The following CTDSP2 variants were observed in gnomAD, a reference collection of about 807,000 sequenced individuals.
CTDSP2 encodes CTD small phosphatase 2, also known as carboxy-terminal domain RNA polymerase II polypeptide A small phosphatase 2.
Under a neutral mutation model 31.6 loss-of-function variants are expected in CTDSP2, and 9 were observed. The ratio of observed to expected loss-of-function variants is 0.28; its 90% CI spans 0.17 to 0.50. The LOEUF (loss-of-function observed/expected upper bound fraction) is 0.50. CTDSP2 is among the 20% of genes least tolerant of loss of function. The pLI is 0.98. For synonymous variants in CTDSP2, 134 were observed against 134.5 expected (o/e 1.00, Z 0.03); for missense variants, 267 against 348.5 (o/e 0.77, Z 1.86).
At chr12:57,833,782 G>A (rs973985689) in intron 1 of CTDSP2, among the ~76,000 whole-genome samples, 1 of 152,246 alleles carries the variant, frequency 6.6e-6, no homozygotes, top group African/African-American at 2.4e-5. Flanking sequence ...CTTTATGTGA[G>A]GAGAGGAAGG....
chr12:57,846,278 C>A, intron 1 of CTDSP2, 94 bp downstream of exon 1: 1 of 1,208,422 alleles, frequency 8.3e-7, no homozygotes, highest in South Asian at 1.4e-5. Flanking sequence ...GCTCTAAGCC[C>A]TGGAGGTCAA....
chr12:57,828,169 C>T (rs1956194641), intron 2 of CTDSP2, among the ~76,000 whole-genome samples: 1 of 152,162 alleles, frequency 6.6e-6, no homozygotes, highest in African/African-American at 2.4e-5. Context: ...CCTGTAATCC[C>T]AGCACTTTGG....
chr12:57,844,127 G>A (rs2140486588), intron 1 of CTDSP2, among the ~76,000 whole-genome samples: 1 of 152,142 alleles, frequency 6.6e-6, no homozygotes, highest in Admixed American at 6.5e-5. Context: ...TTTAGGAGGC[G>A]GAGGTTGCAG....
At chr12:57,829,287 A>G (rs1956200938) in intron 2 of CTDSP2, among the ~76,000 whole-genome samples, 161 bp downstream of exon 2, 1 of 152,218 alleles carries the variant, frequency 6.6e-6, no homozygotes, top group South Asian at 2.1e-4. Context: ...AGGAACAGAA[A>G]GGAAATACAC....
chr12:57,843,290 A>T (rs1468348822), intron 1 of CTDSP2, among the ~76,000 whole-genome samples: 1 of 152,316 alleles, frequency 6.6e-6, no homozygotes, highest in East Asian at 1.9e-4. Context: ...ATAGAGCTGC[A>T]ATCAACAGCC....
intron 1 of CTDSP2, among the ~76,000 whole-genome samples, chr12:57,839,528 C>T (rs772311007): frequency 6.6e-6 from 1 of 152,118 alleles, no homozygotes; most frequent in Non-Finnish European, 1.5e-5. Flanking sequence ...ACCATCCTGG[C>T]TAACACAGTG....
intron 4 of CTDSP2, among the ~76,000 whole-genome samples, chr12:57,826,674 G>A (rs1956184789): frequency 6.6e-6 from 1 of 152,222 alleles, no homozygotes; most frequent in Non-Finnish European, 1.5e-5. Flanking sequence ...AAGGGCCAAA[G>A]GTGATCCAAC....
intron 6 of CTDSP2, 22 bp downstream of exon 6, chr12:57,824,205 C>A: frequency 6.2e-7 from 1 of 1,612,550 alleles, no homozygotes; most frequent in South Asian, 1.1e-5. Flanking sequence ...ACTCCTGGTT[C>A]TTCCCTCTCA....
intron 6 of CTDSP2, 26 bp downstream of exon 6, chr12:57,824,200 TG>T (rs1309808318): frequency 6.2e-7 from 1 of 1,612,048 alleles, no homozygotes; most frequent in African/African-American, 1.3e-5. Context: ...CACCCACTCC[TG>T]GTTCTTCCCT....
Position 57,829,434 on chromosome 12 carries a change from C to T in CTDSP2, c.213+14G>A, listed in dbSNP as rs752958529. ...CCCTTCATTGCTGGCATCTTACCAC[C>T]CCAACCCACCTACCTTAGCAATGGT... On this transcript the variant is annotated intron_variant, in intron 2 of 7. Coordinates refer to ENST00000398073, the MANE Select transcript of CTDSP2 (RefSeq NM_005730.4). 37 of 1,611,382 alleles carry T rather than the reference C, an allele frequency of 2.3e-5. No homozygotes were observed. In the Middle Eastern group the frequency reaches 8.4e-4, roughly 37 times the overall value.
In CTDSP2 at chr12:57,829,293, T is replaced by C. The variant is rs1355630917; in HGVS notation, c.213+155A>G. ...CAAAAGGGAAGGAACAGAAAGGAAA[T>C]ACACTACTTATGGAAGGATGGAGGA... On this transcript the variant is annotated intron_variant, in intron 2 of 7. Coordinates refer to ENST00000398073, the MANE Select transcript of CTDSP2 (RefSeq NM_005730.4). Among the ~76,000 whole-genome samples, 4 of 152,110 alleles carry C rather than the reference T, an allele frequency of 2.6e-5. No individual in the cohort carries two copies. The East Asian group carries it at 5.8e-4, about 22-fold the overall frequency.
chr12:57,844,222 G>A (rs922417609), intron 1 of CTDSP2, among the ~76,000 whole-genome samples: 1 of 152,092 alleles, frequency 6.6e-6, no homozygotes, highest in African/African-American at 2.4e-5. Context: ...ACATGGGGAG[G>A]GAGAGACCCA....
At chr12:57,834,863 C>G (rs1170073020) in intron 1 of CTDSP2, among the ~76,000 whole-genome samples, 1 of 152,200 alleles carries the variant, frequency 6.6e-6, no homozygotes. Context: ...TGGCTCATGC[C>G]TGTAATCCCA....
At chr12:57,832,487 C>T (rs149118236) in intron 1 of CTDSP2, among the ~76,000 whole-genome samples, 1 of 152,064 alleles carries the variant, frequency 6.6e-6, no homozygotes, top group Non-Finnish European at 1.5e-5. Flanking sequence ...AAGACCTCAT[C>T]TCAAATTTAA....
chr12:57,828,385 C>G (rs1053924828), intron 2 of CTDSP2, among the ~76,000 whole-genome samples: 1 of 148,896 alleles, frequency 6.7e-6, no homozygotes, highest in Admixed American at 6.7e-5. Context: ...CACGCCATTG[C>G]ACTCCAGCCT....
chr12:57,843,524 T>C (rs1956295148), intron 1 of CTDSP2, among the ~76,000 whole-genome samples: 1 of 150,432 alleles, frequency 6.6e-6, no homozygotes. Context: ...GAGAACAGAA[T>C]GCTAAAAAAA....
intron 1 of CTDSP2, chr12:57,845,428 C>T (rs1450957841): frequency 1.3e-5 from 2 of 152,220 alleles, no homozygotes; most frequent in African/African-American, 4.8e-5. Flanking sequence ...GAGGCCTCGG[C>T]CTCCGCCTCA....
intron 1 of CTDSP2, among the ~76,000 whole-genome samples, chr12:57,843,589 G>A (rs960026725): frequency 1.3e-5 from 2 of 151,960 alleles, no homozygotes; most frequent in Middle Eastern, 3.2e-3. Flanking sequence ...CCCAAGCTAG[G>A]AGCAATTTGT....
intron 1 of CTDSP2, among the ~76,000 whole-genome samples, chr12:57,830,554 A>G (rs1347973418): frequency 6.6e-6 from 1 of 152,096 alleles, no homozygotes; most frequent in East Asian, 1.9e-4. Context: ...CCTCCACTCC[A>G]GCAGCTCTCT....
Sources: gnomAD v4.1 joint callset for allele counts (sites outside exome capture counted in the v4.1 genomes callset) on GRCh38, gnomAD v4.1.1 for gene constraint, MANE v1.5 for transcripts, NCBI Gene and HGNC (gene_info 2026-07-23, HGNC 2026-07-21) for gene names.